Variants in BRINP3 observed in about 807,000 individuals in gnomAD.
The protein encoded by BRINP3 is BMP/retinoic acid inducible neural specific 3.
Under a neutral mutation model 71.0 loss-of-function variants are expected in BRINP3, and 19 were observed. The ratio of observed to expected loss-of-function variants is 0.27; its 90% CI spans 0.19 to 0.39. The LOEUF is 0.39. Ranked by LOEUF, BRINP3 falls within the 10% of genes least tolerant of loss-of-function variation. BRINP3 has a pLI of 1.00. For missense variants in BRINP3, 959 were observed against 940.8 expected (o/e 1.02, Z -0.25); for synonymous variants, 380 against 337.7 (o/e 1.13, Z -1.37).
At chr1:190,425,541 T>C (rs1052177198) in intron 2 of BRINP3, among the ~76,000 whole-genome samples, 2 of 151,758 alleles carry the variant, frequency 1.3e-5, no homozygotes, top group African/African-American at 2.4e-5. Flanking sequence ...GTGTGAATTT[T>C]TAACTTGGAA....
intron 6 of BRINP3, among the ~76,000 whole-genome samples, chr1:190,194,605 G>A (rs572664980): frequency 5.3e-4 from 81 of 152,018 alleles, no homozygotes; most frequent in African/African-American, 1.8e-3. Flanking sequence ...AAAACCAATC[G>A]TACTATTTTG....
chr1:190,469,800 T>G (rs955028058), intron 1 of BRINP3, among the ~76,000 whole-genome samples: 4 of 151,062 alleles, frequency 2.6e-5, no homozygotes, highest in African/African-American at 9.7e-5. Flanking sequence ...AAATTTGTCT[T>G]AAAAATATAT....
intron 1 of BRINP3, among the ~76,000 whole-genome samples, chr1:190,457,729 G>A (rs1031669139): frequency 1.3e-5 from 2 of 152,012 alleles, no homozygotes; most frequent in African/African-American, 2.4e-5. Context: ...CAAATGTTTT[G>A]TACTCACACA....
At chr1:190,142,694 A>C (rs2102394849) in intron 7 of BRINP3, among the ~76,000 whole-genome samples, 1 of 152,208 alleles carries the variant, frequency 6.6e-6, no homozygotes, top group South Asian at 2.1e-4. Context: ...ATAACCTATC[A>C]GAAATATTTT....
At chr1:190,397,133 T>A (rs1671630177) in intron 2 of BRINP3, among the ~76,000 whole-genome samples, 1 of 151,950 alleles carries the variant, frequency 6.6e-6, no homozygotes, top group African/African-American at 2.4e-5. Flanking sequence ...TTTCTTCATT[T>A]GATTCTGAAC....
intron 2 of BRINP3, among the ~76,000 whole-genome samples, chr1:190,312,439 C>T (rs1406347411): frequency 6.6e-6 from 1 of 151,492 alleles, no homozygotes; most frequent in African/African-American, 2.4e-5. Context: ...CAGTGATCTC[C>T]TAAAATATAT....
At chr1:190,174,383 G>A (rs897382153) in intron 6 of BRINP3, among the ~76,000 whole-genome samples, 8 of 152,036 alleles carry the variant, frequency 5.3e-5, no homozygotes, top group African/African-American at 1.9e-4. Context: ...ACTGAAAAAT[G>A]TAGTTCTTCT....
rs201382519 is a variant in BRINP3 at position 190,281,658 on chromosome 1, T to C, written c.329A>G (p.Asn110Ser). The part of the protein sequence containing the change: ...PLPLAPEFFR[N>S]IRLLGRRPTL... ...AGGTCGACGTCCCAAAAGTCTTATG[T>C]TGCGGAAGAATTCAGGGGCAAGAGG... is the stretch of plus-strand genomic sequence containing the variant. The change falls in exon 3 of 8, where the codon AAC becomes AGC. Residue 110 changes from asparagine (N) to serine (S), a missense_variant. Transcript: ENST00000367462. 491 of 1,612,954 alleles carry C rather than the reference T, an allele frequency of 3.0e-4. 1 individual carries two copies. Among genetic ancestry groups the C allele is most frequent in the Non-Finnish European group, 1.8e-5 (21 of 1,179,394 alleles).
At chr1:190,306,182 A>C (rs1407212640) in intron 2 of BRINP3, among the ~76,000 whole-genome samples, 4 of 151,898 alleles carry the variant, frequency 2.6e-5, no homozygotes, top group African/African-American at 9.7e-5. Context: ...TTAATGAGAT[A>C]AAGATATCTG....
intron 2 of BRINP3, among the ~76,000 whole-genome samples, chr1:190,320,287 T>C (rs1415816825): frequency 2.0e-5 from 3 of 151,966 alleles, no homozygotes; most frequent in Non-Finnish European, 2.9e-5. Flanking sequence ...ATAAGATAAT[T>C]ATTTACTCGA....
intron 2 of BRINP3, among the ~76,000 whole-genome samples, chr1:190,382,257 C>G (rs1670595602): frequency 1.3e-5 from 2 of 151,992 alleles, no homozygotes; most frequent in South Asian, 4.1e-4. Context: ...CTCAACTTTT[C>G]CTAATTACTT....
intron 2 of BRINP3, among the ~76,000 whole-genome samples, chr1:190,350,822 G>GTTT (rs35410824): frequency 7.5e-6 from 1 of 133,072 alleles, no homozygotes. Flanking sequence ...AGTTCACCTT[G>GTTT]TTTTTTTTTT....
chr1:190,171,787 A>G (rs1652031376), intron 6 of BRINP3, among the ~76,000 whole-genome samples: 1 of 152,136 alleles, frequency 6.6e-6, no homozygotes, highest in Non-Finnish European at 1.5e-5. Flanking sequence ...GCTCTATGAC[A>G]TTCAGCTGTA....
intron 2 of BRINP3, among the ~76,000 whole-genome samples, chr1:190,293,692 G>GCAA (rs1664040156): frequency 1.3e-5 from 2 of 152,012 alleles, no homozygotes; most frequent in South Asian, 2.1e-4. Context: ...TTACATATTT[G>GCAA]GGTGTTGTGG....
At chr1:190,453,717 C>G (rs1360468418) in intron 2 of BRINP3, among the ~76,000 whole-genome samples, 1 of 152,084 alleles carries the variant, frequency 6.6e-6, no homozygotes, top group Admixed American at 6.6e-5. Context: ...TCTCATAATG[C>G]TGTATAAATG....
intron 6 of BRINP3, among the ~76,000 whole-genome samples, chr1:190,163,649 A>C (rs1651219479): frequency 6.6e-6 from 1 of 152,134 alleles, no homozygotes; most frequent in African/African-American, 2.4e-5. Flanking sequence ...AATTCTGTGG[A>C]AATAAATAGA....
intron 2 of BRINP3, among the ~76,000 whole-genome samples, chr1:190,421,193 C>G (rs1673355356): frequency 6.6e-6 from 1 of 151,438 alleles, no homozygotes; most frequent in Non-Finnish European, 1.5e-5. Flanking sequence ...TGTCCAATTT[C>G]TTAAGACAAA....
intron 2 of BRINP3, among the ~76,000 whole-genome samples, chr1:190,304,152 T>A (rs1664928946): frequency 1.3e-5 from 2 of 151,878 alleles, no homozygotes; most frequent in Non-Finnish European, 2.9e-5. Flanking sequence ...TTATTTTCCA[T>A]GCTATAAAAC....
At chr1:190,293,593 A>T (rs1197739820) in intron 2 of BRINP3, among the ~76,000 whole-genome samples, 1 of 152,158 alleles carries the variant, frequency 6.6e-6, no homozygotes, top group African/African-American at 2.4e-5. Context: ...TGCCTGAATA[A>T]TCTAAACATT....
Sources: gnomAD v4.1 joint callset for allele counts (sites outside exome capture counted in the v4.1 genomes callset) on GRCh38, gnomAD v4.1.1 for gene constraint, MANE v1.5 for transcripts, NCBI Gene and HGNC (gene_info 2026-07-23, HGNC 2026-07-21) for gene names.